EYS: variants seen among roughly 807,000 people sequenced by gnomAD.
EYS encodes protein eyes shut homolog.
Under a neutral mutation model 282.1 loss-of-function variants are expected in EYS, and 250 were observed. The observed-to-expected ratio is 0.89, with a 90% CI of 0.80 to 0.98. The LOEUF is 0.98. Among genes scored for constraint, EYS ranks in the 50% least tolerant of loss-of-function variants. The pLI is 0.00. For missense variants in EYS, 4,016 were observed against 3,709.0 expected (o/e 1.08, Z -2.15); for synonymous variants, 1,355 against 1,282.9 (o/e 1.06, Z -1.20).
intron 31 of EYS, among the ~76,000 whole-genome samples, chr6:64,219,926 C>G (rs1275675751): frequency 1.3e-5 from 2 of 151,940 alleles, no homozygotes; most frequent in Non-Finnish European, 2.9e-5. Context: ...CAAACTACTG[C>G]AAGCACAAAA....
chr6:65,485,330 A>G (rs1667167925), intron 5 of EYS, among the ~76,000 whole-genome samples: 1 of 152,264 alleles, frequency 6.6e-6, no homozygotes, highest in Admixed American at 6.5e-5. Context: ...AGCTAGGTGC[A>G]TAAGCAGAAG....
At chr6:65,618,298 G>A (rs1295588119) in intron 2 of EYS, among the ~76,000 whole-genome samples, 4 of 152,246 alleles carry the variant, frequency 2.6e-5, no homozygotes, top group Admixed American at 6.5e-5. Context: ...TTTCTCTGAC[G>A]GCCAGTGATG....
intron 34 of EYS, among the ~76,000 whole-genome samples, chr6:63,989,355 A>G (rs1431478461): frequency 6.6e-6 from 1 of 151,674 alleles, no homozygotes; most frequent in Admixed American, 6.6e-5. Context: ...TATTGAAGTA[A>G]CTTTTCACAT....
At chr6:63,850,591 G>C (rs577330976) in intron 36 of EYS, among the ~76,000 whole-genome samples, 2 of 152,258 alleles carry the variant, frequency 1.3e-5, no homozygotes, top group East Asian at 3.9e-4. Flanking sequence ...CATAAGCGAA[G>C]GAGAAATAAA....
intron 5 of EYS, among the ~76,000 whole-genome samples, chr6:65,479,280 A>G (rs1765519373): frequency 6.6e-6 from 1 of 152,352 alleles, no homozygotes; most frequent in South Asian, 2.1e-4. Flanking sequence ...TTTGGCAAAT[A>G]TCAAAAGAGG....
intron 19 of EYS, among the ~76,000 whole-genome samples, chr6:64,868,868 CA>C (rs1339700218): frequency 6.6e-6 from 1 of 151,546 alleles, no homozygotes; most frequent in Non-Finnish European, 1.5e-5. Flanking sequence ...ATGATTACTA[CA>C]AACGGACTTG....
At chr6:64,942,503 C>A (rs1769122235) in intron 15 of EYS, among the ~76,000 whole-genome samples, 1 of 144,216 alleles carries the variant, frequency 6.9e-6, no homozygotes, top group Admixed American at 7.1e-5. Context: ...GACAGAAGAT[C>A]CAAATAAGTA....
chr6:63,732,031 C>A (rs1362749918), intron 41 of EYS, among the ~76,000 whole-genome samples: 1 of 151,906 alleles, frequency 6.6e-6, no homozygotes, highest in East Asian at 1.9e-4. Flanking sequence ...TTCCCTGTTA[C>A]CCAGTGGGGA....
chr6:64,676,020 C>T (rs965830229), intron 22 of EYS, among the ~76,000 whole-genome samples: 4 of 143,058 alleles, frequency 2.8e-5, no homozygotes, highest in Non-Finnish European at 6.1e-5. Flanking sequence ...AGATATATAT[C>T]GATAGATATA....
At chr6:64,265,877 A>T (rs946989661) in intron 30 of EYS, among the ~76,000 whole-genome samples, 15 of 152,290 alleles carry the variant, frequency 9.8e-5, no homozygotes, top group African/African-American at 3.6e-4. Flanking sequence ...GAGTTAGCAC[A>T]GTGAATTATA....
At chr6:64,847,565 T>A (rs541205768) in intron 19 of EYS, among the ~76,000 whole-genome samples, 1 of 152,184 alleles carries the variant, frequency 6.6e-6, no homozygotes, top group East Asian at 1.9e-4. Flanking sequence ...CCTAAAATAA[T>A]GTCTTGTAAG....
chr6:65,049,881 C>T (rs918123497), intron 13 of EYS, among the ~76,000 whole-genome samples: 3 of 151,556 alleles, frequency 2.0e-5, no homozygotes, highest in Non-Finnish European at 4.4e-5. Context: ...TGGGATGGGC[C>T]GTACATTAAC....
At chr6:65,527,904 A>T (rs1021379338) in intron 2 of EYS, among the ~76,000 whole-genome samples, 1 of 152,320 alleles carries the variant, frequency 6.6e-6, no homozygotes, top group East Asian at 1.9e-4. Flanking sequence ...GAAATTAAGA[A>T]GCTCATTTTA....
intron 22 of EYS, among the ~76,000 whole-genome samples, chr6:64,692,160 T>C (rs559239408): frequency 1.5e-4 from 23 of 152,270 alleles, no homozygotes; most frequent in Middle Eastern, 3.4e-3. Context: ...CTCACTAGCA[T>C]CTGTTGTTTT....
chr6:64,300,344 G>T (rs1297454593), intron 30 of EYS, among the ~76,000 whole-genome samples: 1 of 152,166 alleles, frequency 6.6e-6, no homozygotes, highest in Non-Finnish European at 1.5e-5. Context: ...CTGCCGTCTA[G>T]CTCCGTGGGC....
chr6:65,256,373 C>A (rs1439377856), intron 12 of EYS, among the ~76,000 whole-genome samples: 2 of 140,220 alleles, frequency 1.4e-5, no homozygotes, highest in Non-Finnish European at 3.0e-5. Context: ...CACCCACTAA[C>A]TCGTCATCTA....
chr6:63,856,539 A>C (rs1173569448), intron 36 of EYS, among the ~76,000 whole-genome samples: 1 of 152,184 alleles, frequency 6.6e-6, no homozygotes, highest in Admixed American at 6.5e-5. Context: ...TCTGTGTAAA[A>C]GTGGACAATA....
chr6:64,434,946 G>A (rs549400294), intron 28 of EYS, among the ~76,000 whole-genome samples: 13 of 151,862 alleles, frequency 8.6e-5, no homozygotes, highest in Non-Finnish European at 1.3e-4. Flanking sequence ...GCCCATCTAT[G>A]TCCTTCATGA....
intron 29 of EYS, among the ~76,000 whole-genome samples, chr6:64,332,931 T>C (rs1309054747): frequency 6.6e-6 from 1 of 152,224 alleles, no homozygotes; most frequent in Non-Finnish European, 1.5e-5. Flanking sequence ...TTATGCATAG[T>C]ATGAGTTTAA....
Sources: gnomAD v4.1 joint callset for allele counts (sites outside exome capture counted in the v4.1 genomes callset) on GRCh38, gnomAD v4.1.1 for gene constraint, MANE v1.5 for transcripts, NCBI Gene and HGNC (gene_info 2026-07-23, HGNC 2026-07-21) for gene names.